Variants in RAPGEF5 observed in about 807,000 individuals in gnomAD.
RAPGEF5 encodes Rap guanine nucleotide exchange factor 5, also known as M-Ras-regulated GEF.
Under a neutral mutation model 125.2 loss-of-function variants are expected in RAPGEF5, and 65 were observed. The ratio of observed to expected loss-of-function variants is 0.52; its 90% CI spans 0.43 to 0.64. The LOEUF is 0.64. Ranked by LOEUF, RAPGEF5 falls within the 30% of genes least tolerant of loss-of-function variation. The pLI, the probability that RAPGEF5 is intolerant of heterozygous loss-of-function variation, is 0.00. For missense variants in RAPGEF5, 958 were observed against 1,048.1 expected (o/e 0.91, Z 1.19); for synonymous variants, 391 against 385.9 (o/e 1.01, Z -0.16).
intron 1 of RAPGEF5, among the ~76,000 whole-genome samples, chr7:22,340,465 G>A (rs1407665175): frequency 6.6e-6 from 1 of 152,250 alleles, no homozygotes; most frequent in Non-Finnish European, 1.5e-5. Flanking sequence ...AGCACAGAAA[G>A]TGGACCTGAG....
At chr7:22,325,920 C>T (rs1380031141) in intron 1 of RAPGEF5, among the ~76,000 whole-genome samples, 2 of 152,148 alleles carry the variant, frequency 1.3e-5, no homozygotes, top group Non-Finnish European at 2.9e-5. Flanking sequence ...CACTTGAATA[C>T]CAATTATTCC....
At chr7:22,193,160 C>G (rs748970083) in intron 11 of RAPGEF5, 13 of 604,034 alleles carry the variant, frequency 2.2e-5, no homozygotes, top group Non-Finnish European at 2.3e-5. Context: ...CTTTGTACAG[C>G]TACTTCCCAG....
intron 1 of RAPGEF5, among the ~76,000 whole-genome samples, chr7:22,335,439 T>C (rs1241127055): frequency 6.6e-6 from 1 of 152,160 alleles, no homozygotes; most frequent in Non-Finnish European, 1.5e-5. Flanking sequence ...CCACAAGAGC[T>C]ATCTTCTACC....
rs561825428 is a variant in RAPGEF5, at chr7:22,254,736, A to G, written c.796+12228T>C. 2.0e-5 allele frequency among the ~76,000 whole-genome samples: 3 copies of G among 151,958 alleles called. No homozygotes were observed. The South Asian group carries it at 6.3e-4, about 32-fold the overall frequency. ...CATGGACTTGGAGAGGAAGGGGGAG[A>G]TGGGATGGTTTTGGGATAAAATTGT... On this transcript the variant is annotated intron_variant, in intron 7 of 25. Coordinates refer to ENST00000665637, the MANE Select transcript of RAPGEF5 (RefSeq NM_012294.5).
chr7:22,219,875 C>A lies in RAPGEF5; in HGVS notation c.987G>T (p.Lys329Asn). 1 of 1,611,714 alleles carries A rather than the reference C, an allele frequency of 6.2e-7. No homozygotes were observed. The highest frequency in any genetic ancestry group is 8.5e-7 in the Non-Finnish European group (1 of 1,178,336). Residue 329 changes from lysine (K) to asparagine (N), a missense_variant, in exon 9 of 26, where the codon AAG (lysine) becomes AAT (asparagine). Physicochemically the swap from Lys to Asn is moderately conservative, Grantham distance 94. Coordinates refer to ENST00000665637, the MANE Select transcript of RAPGEF5 (RefSeq NM_012294.5). ...FLQTDKKEQE[K>N]SEHQDDEVTT... ...GAGGCAAAAGGCTTACGTGTTCAGA[C>A]TTCTCCTGTTCTTTTTTGTCCGTCT...
At chr7:22,220,673 A>G (rs1460565667) in intron 8 of RAPGEF5, among the ~76,000 whole-genome samples, 3 of 152,074 alleles carry the variant, frequency 2.0e-5, no homozygotes, top group Non-Finnish European at 4.4e-5. Flanking sequence ...AAGTGCCTAA[A>G]TAATAATAGG....
At chr7:22,203,025 G>T in intron 9 of RAPGEF5, 1 of 221,176 alleles carries the variant, frequency 4.5e-6, no homozygotes, top group Non-Finnish European at 9.6e-6. Flanking sequence ...CTATGATTTT[G>T]TTTATGTGTA....
chr7:22,129,387 C>T (rs1331698393), intron 24 of RAPGEF5, among the ~76,000 whole-genome samples: 2 of 152,162 alleles, frequency 1.3e-5, no homozygotes, highest in African/African-American at 2.4e-5. Context: ...GCGTGACACA[C>T]CTCATCCCAC....
At chr7:22,291,551 C>A (rs1189485485) in intron 5 of RAPGEF5, among the ~76,000 whole-genome samples, 1 of 152,142 alleles carries the variant, frequency 6.6e-6, no homozygotes, top group East Asian at 1.9e-4. Context: ...TGGGCTTGCA[C>A]AGAAGGTAGA....
intron 8 of RAPGEF5, among the ~76,000 whole-genome samples, chr7:22,225,766 G>GA (rs966445509): frequency 2.0e-5 from 3 of 151,596 alleles, no homozygotes; most frequent in Middle Eastern, 3.4e-3. Context: ...TGCTAAGCCA[G>GA]AAAAAAAATA....
intron 6 of RAPGEF5, among the ~76,000 whole-genome samples, chr7:22,276,234 A>G (rs1367516389): frequency 1.3e-5 from 2 of 152,202 alleles, no homozygotes; most frequent in African/African-American, 4.8e-5. Flanking sequence ...TGGTAGACCC[A>G]GCGTATTATT....
chr7:22,352,299 T>C (rs1449313803), intron 1 of RAPGEF5, among the ~76,000 whole-genome samples: 2 of 151,944 alleles, frequency 1.3e-5, no homozygotes, highest in Non-Finnish European at 2.9e-5. Flanking sequence ...AACAACCTGA[T>C]GAGAAAGACT....
chr7:22,327,553 C>T (rs1783837656), intron 1 of RAPGEF5, among the ~76,000 whole-genome samples: 1 of 152,226 alleles, frequency 6.6e-6, no homozygotes, highest in African/African-American at 2.4e-5. Flanking sequence ...TGCACTGCAT[C>T]CTCTCCTCCC....
chr7:22,290,305 C>A (rs1005546533), intron 6 of RAPGEF5, among the ~76,000 whole-genome samples: 1 of 152,160 alleles, frequency 6.6e-6, no homozygotes, highest in African/African-American at 2.4e-5. Context: ...ACAGCCAAGT[C>A]AATAGGTACA....
intron 6 of RAPGEF5, among the ~76,000 whole-genome samples, chr7:22,286,089 T>C (rs1475692571): frequency 1.3e-5 from 2 of 152,254 alleles, no homozygotes; most frequent in Non-Finnish European, 2.9e-5. Context: ...AATTTTAATT[T>C]ATCTCTTAAG....
At chr7:22,293,423 C>A (rs953365671) in intron 5 of RAPGEF5, among the ~76,000 whole-genome samples, 1 of 152,078 alleles carries the variant, frequency 6.6e-6, no homozygotes, top group Non-Finnish European at 1.5e-5. Context: ...GTCACCAGAT[C>A]CTCTCACTTC....
At chr7:22,283,656 T>C (rs1020635554) in intron 6 of RAPGEF5, among the ~76,000 whole-genome samples, 2 of 152,132 alleles carry the variant, frequency 1.3e-5, no homozygotes, top group Admixed American at 1.3e-4. Context: ...ACTCTCAATA[T>C]CCAAATTGAG....
chr7:22,244,263 C>T (rs540486299), intron 7 of RAPGEF5, among the ~76,000 whole-genome samples: 2 of 151,904 alleles, frequency 1.3e-5, no homozygotes, highest in Non-Finnish European at 2.9e-5. Flanking sequence ...TGGACACTTC[C>T]GTTGATTCCA....
At chr7:22,176,269 G>T (rs1291688375) in intron 11 of RAPGEF5, among the ~76,000 whole-genome samples, 3 of 152,142 alleles carry the variant, frequency 2.0e-5, no homozygotes, top group Non-Finnish European at 4.4e-5. Flanking sequence ...TCCCTCCCAT[G>T]ACATGCAGGA....
Sources: gnomAD v4.1 joint callset for allele counts (sites outside exome capture counted in the v4.1 genomes callset) on GRCh38, gnomAD v4.1.1 for gene constraint, MANE v1.5 for transcripts, NCBI Gene and HGNC (gene_info 2026-07-23, HGNC 2026-07-21) for gene names.